The following GRID2 variants were observed in gnomAD, a reference collection of about 807,000 sequenced individuals.
GRID2 encodes glutamate ionotropic receptor delta type subunit 2, also known as glutamate receptor ionotropic, delta-2.
In GRID2, 33 loss-of-function variants were observed where a neutral mutation model predicts 114.8. That is an observed-to-expected ratio of 0.29 (90% CI 0.22 to 0.38). The LOEUF is 0.38. GRID2 is among the 10% of genes least tolerant of loss of function. The pLI is 1.00. For missense variants in GRID2, 1,184 were observed against 1,257.7 expected (o/e 0.94, Z 0.89); for synonymous variants, 505 against 449.9 (o/e 1.12, Z -1.55).
chr4:93,689,071 G>A (rs552303756), intron 14 of GRID2, among the ~76,000 whole-genome samples: 33 of 152,038 alleles, frequency 2.2e-4, no homozygotes, highest in Admixed American at 1.9e-3. Flanking sequence ...GATGAAATTA[G>A]TACACAAACA....
chr4:93,792,786 A>G (rs1657605404), intron 1 of GRID2, among the ~76,000 whole-genome samples: 2 of 152,184 alleles, frequency 1.3e-5, no homozygotes, highest in Admixed American at 6.5e-5. Flanking sequence ...GGCATTTGTG[A>G]TCCATGGTGA....
intron 8 of GRID2, among the ~76,000 whole-genome samples, chr4:93,339,876 GA>G (rs34877000): frequency 0.24 from 36,340 of 151,762 alleles, 7,058 homozygotes; most frequent in African/African-American, 0.54. Flanking sequence ...AGCCAAGGGG[GA>G]AAAAACCCTT....
intron 2 of GRID2, among the ~76,000 whole-genome samples, chr4:92,714,273 G>A (rs757993277): frequency 5.3e-5 from 8 of 152,168 alleles, no homozygotes; most frequent in African/African-American, 7.2e-5. Flanking sequence ...TCCAGGTCAC[G>A]CTGATGCAAG....
chr4:93,314,627 G>A (rs1756385737), intron 8 of GRID2, among the ~76,000 whole-genome samples: 1 of 151,816 alleles, frequency 6.6e-6, no homozygotes, highest in Non-Finnish European at 1.5e-5. Flanking sequence ...TTGTATTATT[G>A]AATAGTACAA....
At chr4:93,361,562 A>G in intron 8 of GRID2, among the ~76,000 whole-genome samples, 1 of 151,710 alleles carries the variant, frequency 6.6e-6, no homozygotes, top group Non-Finnish European at 1.5e-5. Flanking sequence ...CTATCTGGTC[A>G]TGCATGTTGT....
chr4:92,749,310 C>CT (rs68069370), intron 2 of GRID2, among the ~76,000 whole-genome samples: 825 of 72,030 alleles, frequency 0.011, 18 homozygotes, highest in Middle Eastern at 0.023. Flanking sequence ...TGATTTGTAG[C>CT]TTTTTTTTTT....
intron 2 of GRID2, among the ~76,000 whole-genome samples, chr4:92,610,527 ATT>A (rs1729667417): frequency 6.6e-6 from 1 of 151,326 alleles, no homozygotes; most frequent in East Asian, 1.9e-4. Context: ...GTTTTTTACC[ATT>A]TTCTTCTTTT....
chr4:92,936,144 G>T (rs1260950260), intron 2 of GRID2, among the ~76,000 whole-genome samples: 1 of 146,536 alleles, frequency 6.8e-6, no homozygotes, highest in Non-Finnish European at 1.5e-5. Context: ...AGTATATTTT[G>T]TTATCTCTTT....
At chr4:92,661,511 C>G (rs552578942) in intron 2 of GRID2, among the ~76,000 whole-genome samples, 49 of 150,822 alleles carry the variant, frequency 3.2e-4, no homozygotes, top group African/African-American at 1.2e-3. Flanking sequence ...AGCTATGTGC[C>G]TCATTTCTTA....
At chr4:92,634,114 CAAAA>C (rs748692047) in intron 2 of GRID2, among the ~76,000 whole-genome samples, 1 of 134,418 alleles carries the variant, frequency 7.4e-6, no homozygotes, top group African/African-American at 2.7e-5. Flanking sequence ...ACAAAAATTG[CAAAA>C]AAAAAAACAA....
chr4:93,093,436 G>C (rs767652623), intron 3 of GRID2, among the ~76,000 whole-genome samples: 3 of 151,944 alleles, frequency 2.0e-5, no homozygotes, highest in East Asian at 1.9e-4. Context: ...TAGCGATAGG[G>C]ATCTCTTTCT....
intron 8 of GRID2, among the ~76,000 whole-genome samples, chr4:93,326,642 C>T (rs1023244447): frequency 4.6e-5 from 7 of 151,276 alleles, no homozygotes; most frequent in Non-Finnish European, 1.0e-4. Flanking sequence ...GGGAGACAGG[C>T]ATGTGTACCC....
At chr4:93,789,076 G>T (rs1181600883) in intron 1 of GRID2, among the ~76,000 whole-genome samples, 2 of 152,136 alleles carry the variant, frequency 1.3e-5, no homozygotes, top group Admixed American at 6.6e-5. Flanking sequence ...CATCCCAGCT[G>T]CAAAGTGATA....
intron 2 of GRID2, among the ~76,000 whole-genome samples, chr4:92,821,318 G>A (rs1026194303): frequency 1.3e-5 from 2 of 152,132 alleles, no homozygotes; most frequent in Admixed American, 6.6e-5. Flanking sequence ...GAGGGAATGG[G>A]ATTAGAAGAG....
chr4:93,151,864 A>T (rs1242318800), intron 4 of GRID2, among the ~76,000 whole-genome samples: 1 of 152,164 alleles, frequency 6.6e-6, no homozygotes, highest in Non-Finnish European at 1.5e-5. Context: ...GATGCACAGT[A>T]AAATAAAAAT....
At chr4:93,031,420 G>T (rs1724428144) in intron 2 of GRID2, among the ~76,000 whole-genome samples, 1 of 152,068 alleles carries the variant, frequency 6.6e-6, no homozygotes, top group Non-Finnish European at 1.5e-5. Flanking sequence ...TTCTTCCCCT[G>T]CTGCCTGACA....
At chr4:92,318,371 G>A (rs1274137704) in intron 1 of GRID2, among the ~76,000 whole-genome samples, 5 of 140,866 alleles carry the variant, frequency 3.5e-5, no homozygotes, top group African/African-American at 8.0e-5. Context: ...CAGAGAAATC[G>A]ACTGGTTCAG....
chr4:93,330,342 A>G (rs2149226539), intron 8 of GRID2, among the ~76,000 whole-genome samples: 2 of 152,312 alleles, frequency 1.3e-5, no homozygotes, highest in South Asian at 4.1e-4. Context: ...AGGAGACTCC[A>G]TCTCTGCTTC....
intron 2 of GRID2, among the ~76,000 whole-genome samples, chr4:93,024,886 A>G (rs1350604843): frequency 1.3e-5 from 2 of 151,752 alleles, no homozygotes; most frequent in Non-Finnish European, 3.0e-5. Flanking sequence ...TAATGCAACA[A>G]GGAGGAAGAG....
Sources: allele counts gnomAD v4.1 joint callset (sites outside exome capture counted in the v4.1 genomes callset), GRCh38; gene constraint gnomAD v4.1.1; transcripts MANE v1.5; gene names NCBI Gene and HGNC (gene_info 2026-07-23, HGNC 2026-07-21).